ZFC3H1: variants seen among roughly 807,000 people sequenced by gnomAD.
ZFC3H1 encodes zinc finger C3H1-type containing, also known as zinc finger C3H1 domain-containing protein.
Under a neutral mutation model 243.7 loss-of-function variants are expected in ZFC3H1, and 71 were observed. The ratio of observed to expected loss-of-function variants is 0.29; its 90% CI spans 0.24 to 0.36. The LOEUF (loss-of-function observed/expected upper bound fraction) is 0.36, where lower values mean the gene tolerates loss of function less well. Ranked by LOEUF, ZFC3H1 falls within the 10% of genes least tolerant of loss-of-function variation. The pLI is 1.00. For missense variants in ZFC3H1, 1,966 were observed against 2,317.1 expected, an observed-to-expected ratio of 0.85 and a Z score of 3.11; for synonymous variants, 838 against 813.0, an observed-to-expected ratio of 1.03 and a Z score of -0.52.
chr12:71,631,837 T>C lies in ZFC3H1; in HGVS notation c.3411A>G (p.Glu1137=). Residue 1137 remains glutamate (E), a synonymous_variant, in exon 16 of 35, where the codon GAA becomes GAG. Transcript: ENST00000378743. ...DFVTAQSKTM[E]VKPCPFRPYH... is the part of the protein sequence containing the mutation. The stretch of plus-strand genomic sequence containing the variant: ...AGGGTCTAAAAGGACATGGCTTCAC[T>C]TCCATTGTTTTACTTTGTGCTGTGA... 9 of 1,613,856 alleles carry C rather than the reference T, an allele frequency of 5.6e-6. No homozygotes were observed. The highest frequency in any genetic ancestry group is 7.6e-6 in the Non-Finnish European group (9 of 1,179,808).
In ZFC3H1 at chr12:71,632,465, T is replaced by C. The variant is rs995309246; in HGVS notation, c.2867A>G (p.Lys956Arg). Residue 956 changes from lysine (K) to arginine (R), a missense_variant, in exon 15 of 35, where the codon AAG becomes AGG. Physicochemically the swap from Lys to Arg is conservative, Grantham distance 26. Coordinates refer to ENST00000378743, the MANE Select transcript of ZFC3H1 (RefSeq NM_144982.5). Reference sequence around the variant, plus strand: ...CATAGCAATTAGTTCTGCTGAATGCTTTCTTGGACTTGATACTGGAGAACT... The same window carrying C: ...CATAGCAATTAGTTCTGCTGAATGCCTTCTTGGACTTGATACTGGAGAACT... ...LDSSPVSSPR[K>R]HSAELIAMEK... 3.1e-6 allele frequency: 5 copies of C among 1,598,216 alleles called. No homozygotes were observed. The highest frequency in any genetic ancestry group is 1.7e-5 in the Admixed American group (1 of 58,190).
chr12:71,624,083 A>G, intron 23 of ZFC3H1, 21 bp downstream of exon 23: 1 of 1,587,870 alleles, frequency 6.3e-7, no homozygotes, highest in Non-Finnish European at 8.6e-7. Context: ...AATGCAATTA[A>G]ATGCTGTACC....
intron 27 of ZFC3H1, among the ~76,000 whole-genome samples, chr12:71,617,370 G>C (rs1395304570): frequency 6.6e-6 from 1 of 152,100 alleles, no homozygotes; most frequent in Non-Finnish European, 1.5e-5. Context: ...CTATAAACAG[G>C]ATACCTTTTT....
Position 71,624,138 on chromosome 12 carries a change from G to C in ZFC3H1, c.4472C>G (p.Thr1491Ser). The C allele has an allele frequency of 2.5e-6, 4 of 1,612,984 alleles. No homozygotes were observed. Among genetic ancestry groups the C allele is most frequent in the Non-Finnish European group, 3.4e-6 (4 of 1,179,698 alleles). The change falls in exon 23 of 35, where the codon ACT becomes AGT. Residue 1491 changes from threonine (T) to serine (S), a missense_variant. By Grantham distance (58) the Thr-to-Ser change is moderately conservative. This residue lies in a region of ZFC3H1 where 1,383 missense variants were observed against 1,723.7 expected (regional missense o/e 0.80). Coordinates refer to ENST00000378743, the MANE Select transcript of ZFC3H1 (RefSeq NM_144982.5). ...TGCCAGTGCACTTTGGCATCTTCCA[G>C]TAAATATGTGCAGCTGAACTCTAAA... Reference protein sequence around the residue: ...LLFRVQLHIFTGRCQSALAIL... With the variant: ...LLFRVQLHIFSGRCQSALAIL...
intron 2 of ZFC3H1, 86 bp downstream of exon 2, chr12:71,656,799 T>C (rs985355499): frequency 3.0e-6 from 4 of 1,329,030 alleles, no homozygotes; most frequent in Admixed American, 4.8e-5. Context: ...ATTACAATCA[T>C]TTCAATGAAG....
At chr12:71,639,380 C>T in intron 6 of ZFC3H1, 1 of 224,458 alleles carries the variant, frequency 4.5e-6, no homozygotes, top group Admixed American at 5.2e-5. Context: ...GCAGATGTGG[C>T]TGCTGTGTCA....
intron 27 of ZFC3H1, among the ~76,000 whole-genome samples, chr12:71,616,381 A>C (rs1052885490): frequency 6.6e-5 from 10 of 152,342 alleles, no homozygotes; most frequent in Non-Finnish European, 1.3e-4. Context: ...TTTAAGTTTA[A>C]TTTTAGACAT....
At chr12:71,652,454 A>C (rs1592602174) in intron 2 of ZFC3H1, among the ~76,000 whole-genome samples, 1 of 152,212 alleles carries the variant, frequency 6.6e-6, no homozygotes, top group Admixed American at 6.5e-5. Context: ...AAATACCGTT[A>C]TCTCTCACAC....
Position 71,634,221 on chromosome 12 carries a change from C to T in ZFC3H1, c.2444G>A (p.Gly815Asp). 2 of 1,614,048 alleles carry T rather than the reference C, an allele frequency of 1.2e-6. No individual in the cohort carries two copies. Among genetic ancestry groups the T allele is most frequent in the Non-Finnish European group, 1.7e-6 (2 of 1,179,970 alleles). ...SPANSDVEID[G>D]IGRIAMVTKQ... ...AGTAACCATTGCTATCCTGCCAATA[C>T]CATCAATTTCCACATCAGAGTTTGC... The change falls in exon 12 of 35, where the codon GGT becomes GAT. Residue 815 changes from glycine to aspartate, a missense_variant. By Grantham distance (94) the Gly-to-Asp change is moderately conservative. This residue lies in a region of ZFC3H1 where 1,383 missense variants were observed against 1,723.7 expected (regional missense o/e 0.80). Coordinates refer to ENST00000378743, the MANE Select transcript of ZFC3H1 (RefSeq NM_144982.5).
intron 2 of ZFC3H1, among the ~76,000 whole-genome samples, chr12:71,652,854 G>A (rs760475366): frequency 6.6e-6 from 1 of 151,948 alleles, no homozygotes; most frequent in Non-Finnish European, 1.5e-5. Context: ...GACAGCCAGT[G>A]AGGGTTGAAC....
chr12:71,662,484 T>C (rs1189526810), intron 1 of ZFC3H1, among the ~76,000 whole-genome samples: 1 of 145,740 alleles, frequency 6.9e-6, no homozygotes, highest in Admixed American at 6.7e-5. Context: ...CAGAGTTGTT[T>C]TTTTTTTACC....
In ZFC3H1 at chr12:71,626,392, T is replaced by C. The variant is rs1565809561; in HGVS notation, c.4185A>G (p.Glu1395=). 1 of 1,614,054 alleles carries C rather than the reference T, an allele frequency of 6.2e-7. No homozygotes were observed. The highest frequency in any genetic ancestry group is 1.7e-5 in the Admixed American group (1 of 60,012). Residue 1395 remains glutamate, a synonymous_variant, in exon 22 of 35, where the codon GAA becomes GAG. Transcript: ENST00000378743. Reference sequence around the variant, plus strand: ...AAATTTCTGGATTGTCTTTGTTATTTTCCAATGCTCGCGCCAGAACATTTA... The same window carrying C: ...AAATTTCTGGATTGTCTTTGTTATTCTCCAATGCTCGCGCCAGAACATTTA... ...SALNVLARAL[E]NNKDNPEIWC... is the part of the protein sequence containing the mutation.
chr12:71,658,344 A>G (rs1054520768), intron 1 of ZFC3H1, among the ~76,000 whole-genome samples: 4 of 131,508 alleles, frequency 3.0e-5, no homozygotes, highest in Non-Finnish European at 6.1e-5. Flanking sequence ...TCTGGAGTGC[A>G]GTGGTGCGAT....
rs1484345951 is a variant in ZFC3H1, at chr12:71,610,334, A to C, written c.*94T>G. ...GATCAATAACGCTTGTCTGCCTTAC[A>C]CAGACCTTAGCCAGGGATCAGCCTA... On this transcript the variant is annotated 3_prime_UTR_variant, in exon 35 of 35. Coordinates refer to ENST00000378743, the MANE Select transcript of ZFC3H1 (RefSeq NM_144982.5). The C allele has an allele frequency of 4.1e-6, 6 of 1,452,726 alleles. No individual in the cohort carries two copies. The African/African-American group carries it at 7.1e-5, about 17-fold the overall frequency. 90.0% of individuals were successfully genotyped at this position (1,452,726 alleles called of 1,614,324 possible). A position where few individuals can be genotyped will look rare whatever the true frequency, so the allele number is the denominator to read the frequency against.
chr12:71,627,765 C>T lies in ZFC3H1; in HGVS notation c.4116G>A (p.Leu1372=), dbSNP rs1402422018. Residue 1372 remains leucine, a synonymous_variant, in exon 21 of 35, where the codon TTG becomes TTA. Coordinates refer to ENST00000378743, the MANE Select transcript of ZFC3H1 (RefSeq NM_144982.5). The part of the protein sequence containing the change: ...QLWLKLAYKY[L]NQNEGECSES... ...AGTTGACCTACCCCTCATTTTGATT[C>T]AAGTACTTGTACGCAAGCTTGAGCC... 6.2e-7 allele frequency: 1 copy of T among 1,609,840 alleles called. No homozygotes were observed.
chr12:71,633,796 A>C (rs1299219387), intron 12 of ZFC3H1, among the ~76,000 whole-genome samples: 1 of 152,090 alleles, frequency 6.6e-6, no homozygotes, highest in Non-Finnish European at 1.5e-5. Flanking sequence ...CTGGGATTAC[A>C]AGGCATGCAC....
intron 18 of ZFC3H1, among the ~76,000 whole-genome samples, chr12:71,630,179 G>A (rs192587289): frequency 1.3e-4 from 20 of 152,272 alleles, no homozygotes; most frequent in East Asian, 3.9e-4. Flanking sequence ...AACAGCCATC[G>A]TAATTTCCAG....
rs1466619294 is a variant in ZFC3H1, at chr12:71,634,067, T to TTATATATATATA, written c.2510+87_2510+88insTATATATATATA. 149 of 1,327,182 alleles carry TTATATATATATA rather than the reference T, an allele frequency of 1.1e-4. 1 individual carries two copies. In the Admixed American group the frequency reaches 3.4e-3, roughly 30 times the overall value. 82.2% of individuals were successfully genotyped at this position (1,327,182 alleles called of 1,614,324 possible). ...AGTTTAAGTGAGAAAATGTATAATC[T>TTATATATATATA]TATAGTACGCTTATTAATAACATAC... On this transcript the variant is annotated intron_variant, in intron 12 of 34. Transcript: ENST00000378743.
intron 2 of ZFC3H1, among the ~76,000 whole-genome samples, chr12:71,650,838 C>T (rs1472048332): frequency 6.6e-6 from 1 of 152,066 alleles, no homozygotes. Flanking sequence ...TGTAAGAGCT[C>T]CCCATTTCAT....
Sources: allele counts gnomAD v4.1 joint callset (sites outside exome capture counted in the v4.1 genomes callset), GRCh38; gene constraint gnomAD v4.1.1; regional missense constraint gnomAD v4.1.1; transcripts MANE v1.5; gene names NCBI Gene and HGNC (gene_info 2026-07-23, HGNC 2026-07-21).